Variants in SCOC observed in about 807,000 individuals in gnomAD.
SCOC encodes the protein short coiled coil protein.
Under a neutral mutation model 9.9 loss-of-function variants are expected in SCOC, and 7 were observed. The observed-to-expected ratio is 0.71, with a 90% CI of 0.40 to 1.33. The LOEUF (loss-of-function observed/expected upper bound fraction) is 1.33. SCOC is among the 40% of genes most tolerant of loss of function. The pLI, the probability that SCOC is intolerant of heterozygous loss-of-function variation, is 0.01. For synonymous variants in SCOC, 19 were observed against 28.2 expected, an observed-to-expected ratio of 0.67 and a Z score of 1.03; for missense variants, 66 against 89.7, an observed-to-expected ratio of 0.74 and a Z score of 1.07.
chr4:140,380,427 T>G (rs1041905948), intron 3 of SCOC, among the ~76,000 whole-genome samples: 1 of 152,030 alleles, frequency 6.6e-6, no homozygotes, highest in Non-Finnish European at 1.5e-5. Context: ...CTCAAACTCC[T>G]GACCTCATGA....
intron 2 of SCOC, among the ~76,000 whole-genome samples, chr4:140,346,169 G>A (rs1196740490): frequency 6.6e-6 from 1 of 152,120 alleles, no homozygotes; most frequent in Non-Finnish European, 1.5e-5. Flanking sequence ...GGCGGTGTTT[G>A]TTCATGCTGG....
upstream of SCOC, among the ~76,000 whole-genome samples, chr4:140,339,016 C>T (rs904064801): frequency 4.6e-5 from 7 of 152,044 alleles, no homozygotes; most frequent in East Asian, 3.8e-4. Flanking sequence ...AAAAGAACAA[C>T]GCTGGAGGCA....
intron 1 of SCOC, among the ~76,000 whole-genome samples, chr4:140,287,858 A>G (rs910047999): frequency 6.6e-6 from 1 of 152,016 alleles, no homozygotes; most frequent in Non-Finnish European, 1.5e-5. Context: ...TGACACACAG[A>G]CCACAGACAT....
At chr4:140,373,895 G>C (rs752603648) in intron 1 of SCOC, 178 bp downstream of exon 1, 1 of 738,294 alleles carries the variant, frequency 1.4e-6, no homozygotes, top group Non-Finnish European at 2.4e-6. Flanking sequence ...GCTCCCGGCA[G>C]AACCCTTGCG....
At chr4:140,318,095 T>C (rs972995068) in intron 1 of SCOC, among the ~76,000 whole-genome samples, 2 of 151,988 alleles carry the variant, frequency 1.3e-5, no homozygotes, top group African/African-American at 4.8e-5. Flanking sequence ...ATCCAGTTGA[T>C]TTAAACGTTA....
chr4:140,262,870 A>C (rs1273946431), intron 1 of SCOC, among the ~76,000 whole-genome samples: 1 of 151,980 alleles, frequency 6.6e-6, no homozygotes, highest in Non-Finnish European at 1.5e-5. Flanking sequence ...TCAAACAACC[A>C]GATCTTTTGA....
chr4:140,312,757 T>C (rs1343583192), intron 1 of SCOC, among the ~76,000 whole-genome samples: 1 of 152,170 alleles, frequency 6.6e-6, no homozygotes, highest in African/African-American at 2.4e-5. Context: ...ATTTAATTGG[T>C]AGTTTGAAGT....
chr4:140,332,240 A>T, intron 1 of SCOC, among the ~76,000 whole-genome samples: 1 of 152,018 alleles, frequency 6.6e-6, no homozygotes, highest in East Asian at 1.9e-4. Context: ...AGCATCTCAT[A>T]CGAGACATGC....
chr4:140,295,038 A>G (rs894349487), intron 1 of SCOC, among the ~76,000 whole-genome samples: 4 of 152,230 alleles, frequency 2.6e-5, no homozygotes, highest in African/African-American at 9.6e-5. Context: ...CCAGTTAAAT[A>G]AAGCACAGTT....
At chr4:140,270,691 A>G (rs1399747932) in intron 1 of SCOC, among the ~76,000 whole-genome samples, 1 of 152,136 alleles carries the variant, frequency 6.6e-6, no homozygotes, top group Admixed American at 6.5e-5. Context: ...AAAGGAGGTA[A>G]TGGGTGGGTA....
At chr4:140,373,778 T>C (rs1262187380) in intron 1 of SCOC, 61 bp downstream of exon 1, 1 of 1,472,820 alleles carries the variant, frequency 6.8e-7, no homozygotes, top group Non-Finnish European at 9.2e-7. Context: ...GCATCCTCAG[T>C]ACCTCCGAGG....
intron 1 of SCOC, among the ~76,000 whole-genome samples, chr4:140,279,249 T>G (rs917633743): frequency 7.9e-5 from 12 of 152,314 alleles, no homozygotes; most frequent in Admixed American, 3.9e-4. Context: ...CAGAGACCCA[T>G]CCAGGTCAGA....
intron 2 of SCOC, among the ~76,000 whole-genome samples, chr4:140,351,202 AAAG>A (rs946080423): frequency 1.2e-3 from 179 of 151,984 alleles, no homozygotes; most frequent in African/African-American, 3.5e-3. Flanking sequence ...AAAAAAAAAA[AAAG>A]AAGAAGAAGG....
intron 2 of SCOC, among the ~76,000 whole-genome samples, chr4:140,344,552 A>G (rs1325113891): frequency 6.6e-6 from 1 of 152,240 alleles, no homozygotes; most frequent in Non-Finnish European, 1.5e-5. Context: ...GTGCAGCCAG[A>G]CAATTAACAC....
In SCOC at chr4:140,381,512, C is replaced by G. The variant is rs1271187485; in HGVS notation, c.*408C>G. On this transcript the variant is annotated 3_prime_UTR_variant, in exon 4 of 4. Transcript: ENST00000608372. Reference sequence around the variant, plus strand: ...CTGTCCACCATCTTGTGCCTCTTCTCCATTTGCCTCTTCCTTCCTATTTCC... The same window carrying G: ...CTGTCCACCATCTTGTGCCTCTTCTGCATTTGCCTCTTCCTTCCTATTTCC... 6.5e-6 allele frequency: 1 copy of G among 152,832 alleles called. No individual in the cohort carries two copies. The highest frequency in any genetic ancestry group is 1.5e-5 in the Non-Finnish European group (1 of 68,248). The allele number at this position is 152,832 out of a possible 1,614,324, so 9.5% of individuals were successfully genotyped here.
intron 1 of SCOC, among the ~76,000 whole-genome samples, chr4:140,322,272 G>C (rs999865573): frequency 6.6e-6 from 1 of 152,120 alleles, no homozygotes; most frequent in Non-Finnish European, 1.5e-5. Context: ...GTTTTGGAGT[G>C]AATGCTGGAA....
chr4:140,366,492 A>G, intron 2 of SCOC: 1 of 1,567,458 alleles, frequency 6.4e-7, no homozygotes, highest in East Asian at 2.2e-5. Context: ...TCTTAACTTC[A>G]TTCTTGATTA....
intron 1 of SCOC, among the ~76,000 whole-genome samples, chr4:140,328,230 A>C (rs543117257): frequency 1.3e-5 from 2 of 152,288 alleles, no homozygotes; most frequent in South Asian, 4.1e-4. Context: ...CTTTAAACCT[A>C]ACTGGTCTAT....
At chr4:140,339,469 G>T (rs894908718), upstream of SCOC, among the ~76,000 whole-genome samples, 17 of 152,142 alleles carry the variant, frequency 1.1e-4, no homozygotes, top group Non-Finnish European at 2.2e-4. Flanking sequence ...TTAAACTAAA[G>T]AGCTTCTGCA....
Sources: gnomAD v4.1 joint callset for allele counts (sites outside exome capture counted in the v4.1 genomes callset) on GRCh38, gnomAD v4.1.1 for gene constraint, MANE v1.5 for transcripts, NCBI Gene and HGNC (gene_info 2026-07-23, HGNC 2026-07-21) for gene names.